The following PHF14 variants were observed in gnomAD, a reference collection of about 807,000 sequenced individuals.
PHF14 encodes PHD finger protein 14.
Under a neutral mutation model 117.9 loss-of-function variants are expected in PHF14, and 55 were observed. That is an observed-to-expected ratio of 0.47 (90% CI 0.38 to 0.58). The LOEUF (loss-of-function observed/expected upper bound fraction) is 0.58. PHF14 is among the 20% of genes least tolerant of loss of function. PHF14 has a pLI of 0.00. For synonymous variants in PHF14, 409 were observed against 368.6 expected, an observed-to-expected ratio of 1.11 and a Z score of -1.26; for missense variants, 978 against 1,122.2, an observed-to-expected ratio of 0.87 and a Z score of 1.84.
intron 3 of PHF14, among the ~76,000 whole-genome samples, chr7:10,989,582 C>T (rs776238511): frequency 5.9e-5 from 9 of 152,038 alleles, no homozygotes; most frequent in Non-Finnish European, 1.2e-4. Context: ...AACAAGCAGA[C>T]CCTCTTCTGA....
At position 10,991,759 on chromosome 7, in the gene PHF14, A is replaced by ATTTT. The variant is rs71023881; in HGVS notation, c.1045+927_1045+930dup. ...TTTTTTTTAATTTTTTAATTTTTTA[A>ATTTT]TTTTTTTTTTTTTTTTTTGGTAGAG... On this transcript the variant is annotated intron_variant, in intron 4 of 17. Coordinates refer to ENST00000634607, the MANE Select transcript of PHF14 (RefSeq NM_001007157.2). Among the ~76,000 whole-genome samples the ATTTT allele has an allele frequency of 2.7e-5, 3 of 111,042 alleles. 1 individual carries two copies. Among genetic ancestry groups the ATTTT allele is most frequent in the African/African-American group, 1.1e-4 (3 of 27,748 alleles). The allele number at this position is 111,042 out of a possible 152,430, so 72.8% of individuals were successfully genotyped here. A position where few individuals can be genotyped will look rare whatever the true frequency, so the allele number is the denominator to read the frequency against.
intron 13 of PHF14, among the ~76,000 whole-genome samples, chr7:11,043,704 A>C (rs1784570909): frequency 6.6e-6 from 1 of 152,052 alleles, no homozygotes; most frequent in Admixed American, 6.6e-5. Flanking sequence ...GTTTGTTTTG[A>C]GATATTCATA....
Position 11,081,156 on chromosome 7 carries a change from A to G in PHF14, c.2654+19071A>G, listed in dbSNP as rs540853692. Reference sequence around the variant, plus strand: ...AAGAAGTACTTGCAAGAAATGTGTCATTCTAGTTTGGAAAACGAGATAAGC... The same window carrying G: ...AAGAAGTACTTGCAAGAAATGTGTCGTTCTAGTTTGGAAAACGAGATAAGC... On this transcript the variant is annotated intron_variant, in intron 16 of 17. Coordinates refer to ENST00000634607, the MANE Select transcript of PHF14 (RefSeq NM_001007157.2). Among the ~76,000 whole-genome samples the G allele has an allele frequency of 2.6e-4, 40 of 152,294 alleles. No homozygotes were observed. In the East Asian group the frequency reaches 7.1e-3, roughly 27 times the overall value.
intron 4 of PHF14, among the ~76,000 whole-genome samples, chr7:10,997,544 G>T (rs1270087177): frequency 6.6e-6 from 1 of 152,224 alleles, no homozygotes; most frequent in Non-Finnish European, 1.5e-5. Context: ...GTAAGAAGCT[G>T]GGAGCAGTTG....
chr7:11,110,220 GTTT>G (rs1787398307), intron 16 of PHF14: 1 of 151,764 alleles, frequency 6.6e-6, no homozygotes, highest in Non-Finnish European at 1.5e-5. Flanking sequence ...TTGAATAGTA[GTTT>G]TTAACTTTAA....
chr7:11,151,987 C>G lies in PHF14; in HGVS notation c.2773-17429C>G, dbSNP rs534012593. 3.9e-5 allele frequency among the ~76,000 whole-genome samples: 6 copies of G among 152,084 alleles called. No homozygotes were observed. In the South Asian group the frequency reaches 1.2e-3, roughly 32 times the overall value. On this transcript the variant is annotated intron_variant, in intron 17 of 17. Transcript: ENST00000634607. ...TTTAAGAAGTATACCACAATAAATC[C>G]TAAATATTTTCAGAATAGTAGAAAA...
At chr7:10,994,438 C>CA (rs1014417138) in intron 4 of PHF14, among the ~76,000 whole-genome samples, 6 of 150,522 alleles carry the variant, frequency 4.0e-5, no homozygotes, top group Middle Eastern at 3.4e-3. Flanking sequence ...GACTCCGTCT[C>CA]AAAAAAAAAG....
At chr7:11,002,986 C>T (rs1782932518) in intron 4 of PHF14, among the ~76,000 whole-genome samples, 2 of 151,384 alleles carry the variant, frequency 1.3e-5, no homozygotes, top group South Asian at 4.2e-4. Flanking sequence ...CTCGCTCTGT[C>T]ACCAGGCTGG....
At chr7:11,046,237 G>T (rs1005102704) in intron 13 of PHF14, among the ~76,000 whole-genome samples, 1 of 152,100 alleles carries the variant, frequency 6.6e-6, no homozygotes, top group African/African-American at 2.4e-5. Flanking sequence ...AGACACATTT[G>T]GTAGGATACA....
At chr7:11,083,160 T>G (rs1786219437) in intron 16 of PHF14, among the ~76,000 whole-genome samples, 1 of 152,156 alleles carries the variant, frequency 6.6e-6, no homozygotes, top group South Asian at 2.1e-4. Context: ...AGGGGCAGGA[T>G]TTGCGTCAGG....
intron 12 of PHF14, among the ~76,000 whole-genome samples, chr7:11,041,444 A>G (rs931603966): frequency 1.3e-4 from 19 of 147,550 alleles, no homozygotes; most frequent in Admixed American, 1.1e-3. Flanking sequence ...GTGTGTGTGT[A>G]TGTATGTGTG....
chr7:11,136,573 G>T (rs560466667), intron 17 of PHF14, among the ~76,000 whole-genome samples: 41 of 152,178 alleles, frequency 2.7e-4, no homozygotes, highest in Admixed American at 1.0e-3. Flanking sequence ...AAAAAGTGGA[G>T]GTTGAGCATG....
At chr7:11,096,693 A>G (rs920737167) in intron 16 of PHF14, among the ~76,000 whole-genome samples, 1 of 152,328 alleles carries the variant, frequency 6.6e-6, no homozygotes, top group Admixed American at 6.5e-5. Flanking sequence ...TAGACCTTTA[A>G]GAACTGTTTG....
Position 10,983,132 on chromosome 7 carries a change from G to A in PHF14, c.873G>A (p.Leu291=). 1.3e-6 allele frequency: 2 copies of A among 1,597,460 alleles called. No homozygotes were observed. The highest frequency in any genetic ancestry group is 1.7e-6 in the Non-Finnish European group (2 of 1,178,394). ...ATGAGGAACTGACCAATGATAGCCT[G>A]ACCCTATCTCAAAGCAAGAGTAATG... ...ADDEELTNDS[L]TLSQSKSNED... is the part of the protein sequence containing the mutation. The change falls in exon 3 of 18, where the codon CTG becomes CTA. Residue 291 remains leucine, a synonymous_variant. Transcript: ENST00000634607.
chr7:10,985,552 T>A (rs959552105), intron 3 of PHF14, among the ~76,000 whole-genome samples: 8 of 151,524 alleles, frequency 5.3e-5, no homozygotes, highest in Admixed American at 3.9e-4. Context: ...TTATAATTAC[T>A]GCTCTTAATG....
At chr7:11,123,746 C>T (rs1407872943) in intron 17 of PHF14, among the ~76,000 whole-genome samples, 1 of 152,028 alleles carries the variant, frequency 6.6e-6, no homozygotes, top group African/African-American at 2.4e-5. Context: ...CACCACTACA[C>T]TCCAGCCTGG....
rs2128355750 is a variant in PHF14 at position 11,156,987 on chromosome 7, G to A, written c.2773-12429G>A. Reference sequence around the variant, plus strand: ...TATTTTGATATCATAACTGAACTCTGTAGCATAGTAATCATAAAAATAGTG... The same window carrying A: ...TATTTTGATATCATAACTGAACTCTATAGCATAGTAATCATAAAAATAGTG... On this transcript the variant is annotated intron_variant, in intron 17 of 17. Transcript: ENST00000634607. 2.6e-5 allele frequency among the ~76,000 whole-genome samples: 4 copies of A among 152,244 alleles called. No homozygotes were observed. The Middle Eastern group carries it at 0.01, about 388-fold the overall frequency.
rs1562560342 is a variant in PHF14 at position 10,982,763 on chromosome 7, TACG to T, written c.507_509del (p.Thr171del). On this transcript the variant is annotated inframe_deletion, in exon 3 of 18. Transcript: ENST00000634607. Reference sequence around the variant, plus strand: ...TTAACACATCCCCTTCTGTTCCCACTACGACAACCGCTACAGAGGAACAAGTCA... The same window carrying T: ...TTAACACATCCCCTTCTGTTCCCACTACAACCGCTACAGAGGAACAAGTCA... 6.2e-7 allele frequency: 1 copy of T among 1,613,862 alleles called. No individual in the cohort carries two copies. Among genetic ancestry groups the T allele is most frequent in the East Asian group, 2.2e-5 (1 of 44,874 alleles).
At chr7:11,119,086 A>G (rs1424222500) in intron 17 of PHF14, among the ~76,000 whole-genome samples, 1 of 151,896 alleles carries the variant, frequency 6.6e-6, no homozygotes, top group African/African-American at 2.4e-5. Flanking sequence ...GGCCTGGTGC[A>G]TTTACATAGC....
Sources: gnomAD v4.1 joint callset for allele counts (sites outside exome capture counted in the v4.1 genomes callset) on GRCh38, gnomAD v4.1.1 for gene constraint, MANE v1.5 for transcripts, NCBI Gene and HGNC (gene_info 2026-07-23, HGNC 2026-07-21) for gene names.